Variants in SPATA17 observed in about 807,000 individuals in gnomAD.
SPATA17 encodes the protein spermatogenesis associated 17.
SPATA17 carries 53 observed loss-of-function variants against 62.2 expected under a neutral mutation model. The observed-to-expected ratio is 0.85, with a 90% CI of 0.68 to 1.07. The LOEUF is 1.07. Ranked by LOEUF, SPATA17 falls within the 50% of genes least tolerant of loss-of-function variation. SPATA17 has a pLI of 0.00. For missense variants in SPATA17, 466 were observed against 425.5 expected (o/e 1.10, Z -0.84); for synonymous variants, 146 against 146.8 (o/e 0.99, Z 0.04).
chr1:217,803,526 G>A (rs1304838101), intron 9 of SPATA17, among the ~76,000 whole-genome samples: 1 of 152,000 alleles, frequency 6.6e-6, no homozygotes, highest in Non-Finnish European at 1.5e-5. Flanking sequence ...TTTAACTAAG[G>A]AAGTAAAAGA....
chr1:217,821,532 T>C (rs146897128), intron 9 of SPATA17, among the ~76,000 whole-genome samples: 68 of 151,936 alleles, frequency 4.5e-4, no homozygotes, highest in Admixed American at 2.2e-3. Flanking sequence ...TTAGCAGGAG[T>C]TGATTCAATG....
chr1:217,778,236 C>A (rs1386857259), intron 7 of SPATA17, among the ~76,000 whole-genome samples: 4 of 152,110 alleles, frequency 2.6e-5, no homozygotes, highest in African/African-American at 9.7e-5. Context: ...TGCTGGTGGG[C>A]GCGGTGGCTC....
At chr1:217,865,689 G>GA (rs1393801621) in intron 10 of SPATA17, among the ~76,000 whole-genome samples, 2 of 152,124 alleles carry the variant, frequency 1.3e-5, no homozygotes, top group Admixed American at 1.3e-4. Context: ...TTGTTGTGGA[G>GA]AAAAATTAGC....
At chr1:217,670,280 A>T (rs563586608) in intron 4 of SPATA17, among the ~76,000 whole-genome samples, 17 of 152,280 alleles carry the variant, frequency 1.1e-4, no homozygotes, top group African/African-American at 3.8e-4. Flanking sequence ...AAAGCAGTTA[A>T]TGCCCATTTA....
At chr1:217,681,527 C>T (rs552748799) in intron 4 of SPATA17, among the ~76,000 whole-genome samples, 1 of 152,026 alleles carries the variant, frequency 6.6e-6, no homozygotes, top group Non-Finnish European at 1.5e-5. Context: ...GCGCACACCA[C>T]CATGCCCAGT....
intron 3 of SPATA17, among the ~76,000 whole-genome samples, chr1:217,660,377 G>A (rs1225831940): frequency 2.0e-5 from 3 of 152,148 alleles, no homozygotes; most frequent in Admixed American, 6.6e-5. Context: ...AAATATCCCT[G>A]TGACTGACAC....
chr1:217,668,154 A>G (rs1414878797), intron 3 of SPATA17, among the ~76,000 whole-genome samples: 1 of 152,244 alleles, frequency 6.6e-6, no homozygotes, highest in Non-Finnish European at 1.5e-5. Flanking sequence ...ATTTTGGTTG[A>G]ATAAAAATGG....
At chr1:217,702,943 C>G (rs1168225711) in intron 5 of SPATA17, among the ~76,000 whole-genome samples, 1 of 148,238 alleles carries the variant, frequency 6.7e-6, no homozygotes, top group East Asian at 2.0e-4. Flanking sequence ...GTGGCGACAT[C>G]TCGGCTCACT....
intron 6 of SPATA17, among the ~76,000 whole-genome samples, chr1:217,757,637 T>C (rs894572221): frequency 1.3e-5 from 2 of 152,046 alleles, no homozygotes; most frequent in African/African-American, 2.4e-5. Context: ...ATTTGTAGGG[T>C]TGGCAAGGAA....
chr1:217,636,484 G>A (rs1294694057), intron 1 of SPATA17, among the ~76,000 whole-genome samples: 1 of 152,114 alleles, frequency 6.6e-6, no homozygotes, highest in Admixed American at 6.5e-5. Context: ...CGTGATCTCA[G>A]GTCACTGCAC....
intron 1 of SPATA17, 50 bp downstream of exon 1, chr1:217,631,496 C>G (rs1412323816): frequency 6.3e-7 from 1 of 1,584,134 alleles, no homozygotes. Flanking sequence ...GACTTTATAC[C>G]AGTTGTTCCT....
chr1:217,665,259 T>C (rs1558557683), intron 3 of SPATA17: 1 of 152,240 alleles, frequency 6.6e-6, no homozygotes, highest in East Asian at 1.9e-4. Flanking sequence ...CTTGTGACTA[T>C]ACATCTCTCT....
intron 8 of SPATA17, among the ~76,000 whole-genome samples, chr1:217,792,411 G>A (rs971182365): frequency 1.3e-5 from 2 of 152,170 alleles, no homozygotes; most frequent in African/African-American, 2.4e-5. Flanking sequence ...AAGACATGGC[G>A]TTCTCCTTCT....
intron 5 of SPATA17, among the ~76,000 whole-genome samples, chr1:217,734,049 G>A (rs1023265096): frequency 6.6e-6 from 1 of 152,102 alleles, no homozygotes; most frequent in African/African-American, 2.4e-5. Flanking sequence ...CTTAAATTTT[G>A]TTTCTAATGG....
intron 6 of SPATA17, among the ~76,000 whole-genome samples, chr1:217,751,289 T>G (rs1226870733): frequency 6.6e-6 from 1 of 152,224 alleles, no homozygotes; most frequent in African/African-American, 2.4e-5. Context: ...AAGCAGAAAT[T>G]ATCTTTCTAG....
chr1:217,808,812 G>A (rs555623086), intron 9 of SPATA17, among the ~76,000 whole-genome samples: 6 of 150,438 alleles, frequency 4.0e-5, no homozygotes, highest in African/African-American at 4.9e-5. Context: ...CTGAGATCGC[G>A]CCACTGCACT....
intron 5 of SPATA17, among the ~76,000 whole-genome samples, chr1:217,732,010 T>A (rs1190035311): frequency 1.3e-5 from 2 of 152,158 alleles, no homozygotes. Context: ...TTCCATTTCC[T>A]TTCCTTCTAA....
intron 3 of SPATA17, among the ~76,000 whole-genome samples, chr1:217,663,456 A>G (rs1305808243): frequency 2.0e-5 from 3 of 152,140 alleles, no homozygotes; most frequent in Non-Finnish European, 2.9e-5. Flanking sequence ...AAAAAAAAAA[A>G]AAAGAACAGT....
At chr1:217,784,103 C>T (rs1673797554) in intron 8 of SPATA17, among the ~76,000 whole-genome samples, 1 of 151,650 alleles carries the variant, frequency 6.6e-6, no homozygotes, top group South Asian at 2.1e-4. Context: ...TTTTTCATAG[C>T]TTCTTCTGAA....
Sources: gnomAD v4.1 joint callset for allele counts (sites outside exome capture counted in the v4.1 genomes callset) on GRCh38, gnomAD v4.1.1 for gene constraint, MANE v1.5 for transcripts, NCBI Gene and HGNC (gene_info 2026-07-23, HGNC 2026-07-21) for gene names.